TBCE: variants seen among roughly 807,000 people sequenced by gnomAD.
TBCE encodes tubulin folding cofactor E.
Under a neutral mutation model 77.0 loss-of-function variants are expected in TBCE, and 53 were observed. That is an observed-to-expected ratio of 0.69 (90% confidence interval 0.55 to 0.87). The LOEUF (loss-of-function observed/expected upper bound fraction) is 0.87. TBCE is among the 40% of genes least tolerant of loss of function. The pLI is 0.00. For missense variants in TBCE, 624 were observed against 622.4 expected, an observed-to-expected ratio of 1.00 and a Z score of -0.03; for synonymous variants, 235 against 241.3, an observed-to-expected ratio of 0.97 and a Z score of 0.24.
At position 235,436,467 on chromosome 1, in the gene TBCE, A is replaced by G; in HGVS notation, c.898+17A>G. Reference sequence around the variant, plus strand: ...CTGGAATTGGTATATAAGATTAGTAAAGTTCCCCACTGCCCCCCCACACTA... The same window carrying G: ...CTGGAATTGGTATATAAGATTAGTAGAGTTCCCCACTGCCCCCCCACACTA... On this transcript the variant is annotated intron_variant, in intron 10 of 16. Transcript: ENST00000642610. 2 of 1,613,018 alleles carry G rather than the reference A, an allele frequency of 1.2e-6. No homozygotes were observed. The highest frequency in any genetic ancestry group is 1.7e-6 in the Non-Finnish European group (2 of 1,179,046).
intron 2 of TBCE, among the ~76,000 whole-genome samples, chr1:235,390,407 A>G (rs1346247171): frequency 1.3e-5 from 2 of 152,084 alleles, no homozygotes; most frequent in African/African-American, 4.8e-5. Context: ...TAAGATTGGG[A>G]GAGTATCCGG....
chr1:235,405,656 AAGG>A (rs1262160618), intron 3 of TBCE, among the ~76,000 whole-genome samples: 1 of 152,062 alleles, frequency 6.6e-6, no homozygotes, highest in Non-Finnish European at 1.5e-5. Flanking sequence ...GAAAAAATAG[AAGG>A]AGTACACTCT....
At chr1:235,442,619 C>G (rs918926274) in intron 14 of TBCE, among the ~76,000 whole-genome samples, 1 of 152,060 alleles carries the variant, frequency 6.6e-6, no homozygotes, top group African/African-American at 2.4e-5. Context: ...GAAAACCTAG[C>G]CAAGCTGTAA....
chr1:235,441,655 A>C (rs528463417), intron 13 of TBCE, 159 bp from the exon 14 acceptor site: 2 of 654,344 alleles, frequency 3.1e-6, no homozygotes, highest in South Asian at 3.6e-5. Flanking sequence ...GTCGTTGTCC[A>C]TCACTCCTAA....
At chr1:235,434,025 A>G in intron 7 of TBCE, 179 bp from the exon 8 acceptor site, 1 of 643,176 alleles carries the variant, frequency 1.6e-6, no homozygotes. Flanking sequence ...CACCCCCTTA[A>G]CATTTTATTT....
intron 3 of TBCE, among the ~76,000 whole-genome samples, chr1:235,407,065 G>A (rs561531753): frequency 1.6e-3 from 235 of 149,902 alleles, no homozygotes; most frequent in South Asian, 6.5e-3. Flanking sequence ...CCGACCTCAG[G>A]TGTTCTGCCT....
intron 8 of TBCE, 110 bp from the exon 9 acceptor site, chr1:235,435,635 G>T: frequency 9.7e-7 from 1 of 1,027,026 alleles, no homozygotes; most frequent in Non-Finnish European, 1.5e-6. Flanking sequence ...ATATTTACTT[G>T]CTTCTTATCC....
intron 1 of TBCE, among the ~76,000 whole-genome samples, chr1:235,371,882 C>T (rs1005234228): frequency 6.6e-6 from 1 of 152,086 alleles, no homozygotes; most frequent in Non-Finnish European, 1.5e-5. Context: ...CCATGTTGGC[C>T]GGGCTGGTCT....
chr1:235,434,034 T>G, intron 7 of TBCE, 170 bp from the exon 8 acceptor site: 2 of 674,026 alleles, frequency 3.0e-6, no homozygotes, highest in East Asian at 2.7e-5. Flanking sequence ...AACATTTTAT[T>G]TATCACCCCC....
intron 3 of TBCE, among the ~76,000 whole-genome samples, chr1:235,404,576 T>C (rs930713130): frequency 6.6e-6 from 1 of 152,212 alleles, no homozygotes; most frequent in African/African-American, 2.4e-5. Context: ...TTGGAAACAC[T>C]GTAGCCTTAG....
intron 2 of TBCE, among the ~76,000 whole-genome samples, chr1:235,383,745 A>C (rs1272543559): frequency 6.6e-6 from 1 of 152,190 alleles, no homozygotes; most frequent in Non-Finnish European, 1.5e-5. Context: ...CTAGATATAC[A>C]ATCATGTCAT....
At chr1:235,372,440 C>G (rs1473165754) in intron 1 of TBCE, among the ~76,000 whole-genome samples, 1 of 152,146 alleles carries the variant, frequency 6.6e-6, no homozygotes, top group Non-Finnish European at 1.5e-5. Flanking sequence ...TTTTAAAAAT[C>G]AAAGCTGTTT....
intron 3 of TBCE, among the ~76,000 whole-genome samples, chr1:235,405,008 G>A (rs368548142): frequency 2.1e-5 from 3 of 142,190 alleles, no homozygotes; most frequent in African/African-American, 7.9e-5. Flanking sequence ...CGTCACCCAC[G>A]CTGGAGTGCA....
At chr1:235,401,614 GT>G (rs372774530) in intron 3 of TBCE, 27 bp downstream of exon 3, 1 of 1,558,624 alleles carries the variant, frequency 6.4e-7, no homozygotes, top group East Asian at 2.2e-5. Context: ...AATCAGCACG[GT>G]CATTTAGTCA....
chr1:235,433,989 G>C, intron 7 of TBCE: 1 of 595,412 alleles, frequency 1.7e-6, no homozygotes, highest in Non-Finnish European at 3.0e-6. Context: ...AGTGCCCACA[G>C]TGTGTGCTCC....
chr1:235,397,532 C>G (rs541589637), intron 2 of TBCE, among the ~76,000 whole-genome samples: 29 of 152,194 alleles, frequency 1.9e-4, no homozygotes, highest in African/African-American at 5.8e-4. Context: ...TTGTTTCTTT[C>G]GCTATGCAGA....
At chr1:235,404,207 G>A (rs541974701) in intron 3 of TBCE, among the ~76,000 whole-genome samples, 4 of 152,130 alleles carry the variant, frequency 2.6e-5, no homozygotes, top group South Asian at 2.1e-4. Context: ...AACCTGGGAG[G>A]TGGAGGTTGC....
chr1:235,398,925 G>A (rs912423606), intron 2 of TBCE, among the ~76,000 whole-genome samples: 3 of 151,520 alleles, frequency 2.0e-5, no homozygotes, highest in African/African-American at 7.3e-5. Flanking sequence ...GATCATGGGC[G>A]TGAGCTCCCG....
chr1:235,450,403 T>A lies in TBCE; in HGVS notation c.*1641T>A. The A allele has an allele frequency of 6.4e-7, 1 of 1,553,886 alleles. No individual in the cohort carries two copies. Among genetic ancestry groups the A allele is most frequent in the Non-Finnish European group, 8.9e-7 (1 of 1,129,528 alleles). On this transcript the variant is annotated 3_prime_UTR_variant, in exon 17 of 17. Coordinates refer to ENST00000642610, the MANE Select transcript of TBCE (RefSeq NM_003193.5). ...AAACTGTTTTAAGAGCATCAGAAAG[T>A]ATGCACGTAGACAGCTTTTATGTAT...
Sources: allele counts gnomAD v4.1 joint callset (sites outside exome capture counted in the v4.1 genomes callset), GRCh38; gene constraint gnomAD v4.1.1; transcripts MANE v1.5; gene names NCBI Gene and HGNC (gene_info 2026-07-23, HGNC 2026-07-21).